The following DNAH12 variants were observed in gnomAD, a reference collection of about 807,000 sequenced individuals.
DNAH12 encodes axonemal beta dynein heavy chain 12.
In DNAH12, 285 loss-of-function variants were observed where a neutral mutation model predicts 371.5. That is an observed-to-expected ratio of 0.77 (90% CI 0.70 to 0.85). DNAH12 has a LOEUF of 0.85. DNAH12 is among the 40% of genes least tolerant of loss of function. DNAH12 has a pLI of 0.00. For synonymous variants in DNAH12, 1,200 were observed against 1,213.0 expected (o/e 0.99, Z 0.22); for missense variants, 3,611 against 3,689.4 (o/e 0.98, Z 0.55).
intron 27 of DNAH12, 50 bp downstream of exon 27, chr3:57,445,981 G>A (rs528979898): frequency 6.9e-7 from 1 of 1,453,196 alleles, no homozygotes; most frequent in Admixed American, 2.5e-5. Flanking sequence ...GAGTAAGACT[G>A]TTTCAAAAAC....
intron 55 of DNAH12, among the ~76,000 whole-genome samples, chr3:57,372,299 A>G (rs1220324437): frequency 6.6e-6 from 1 of 152,096 alleles, no homozygotes; most frequent in Non-Finnish European, 1.5e-5. Flanking sequence ...TTTAGGCCAG[A>G]AAAAGAAAAA....
chr3:57,468,773 A>G lies in DNAH12; in HGVS notation c.2312T>C (p.Met771Thr). Residue 771 changes from methionine (M) to threonine (T), a missense_variant, in exon 17 of 74, where the codon ATG becomes ACG. Met to Thr is a moderately conservative substitution (Grantham distance 81). Transcript: ENST00000495027. ...TATCTGTTCCATGACTGTACTGCAC[A>G]TAGTAATAGTAGCATTGTCTTTTGG... ...EEPKDNATIT[M>T]CSTVMEQIKA... 2.6e-6 allele frequency: 4 copies of G among 1,521,976 alleles called. No individual in the cohort carries two copies. Among genetic ancestry groups the G allele is most frequent in the Non-Finnish European group, 2.6e-6 (3 of 1,139,806 alleles). The allele number at this position is 1,521,976 out of a possible 1,614,324, so 94.3% of individuals were successfully genotyped here.
Position 57,445,427 on chromosome 3 carries a change from A to G in DNAH12, c.4180-8T>C. 3.3e-6 allele frequency: 5 copies of G among 1,505,562 alleles called. No individual in the cohort carries two copies. The highest frequency in any genetic ancestry group is 4.4e-6 in the Non-Finnish European group (5 of 1,128,604). 93.3% of individuals were successfully genotyped at this position (1,505,562 alleles called of 1,614,324 possible). ...CACTGTTCTAAAAAGAACCTGAAGT[A>G]TAAAATAAATGAAATATATTACGTA... is the stretch of plus-strand genomic sequence containing the variant. On this transcript the variant is annotated splice_region_variant and splice_polypyrimidine_tract_variant and intron_variant, in intron 27 of 73. Transcript: ENST00000495027.
chr3:57,354,538 T>TAA (rs1372789364), intron 59 of DNAH12, among the ~76,000 whole-genome samples: 1,079 of 52,464 alleles, frequency 0.021, 13 homozygotes, highest in African/African-American at 0.047. Context: ...TCTTGTTTGC[T>TAA]AAAAAAAAAA....
At chr3:57,294,499 A>G (rs1241985718) in intron 73 of DNAH12, among the ~76,000 whole-genome samples, 1 of 152,172 alleles carries the variant, frequency 6.6e-6, no homozygotes. Flanking sequence ...CGTATGGTGC[A>G]TGATTCTAGG....
chr3:57,465,806 A>G (rs1339164930), intron 17 of DNAH12, among the ~76,000 whole-genome samples: 4 of 152,192 alleles, frequency 2.6e-5, no homozygotes, highest in Non-Finnish European at 4.4e-5. Flanking sequence ...AAGTTAAAAC[A>G]GTTTACAGGA....
chr3:57,458,312 A>T (rs979130724), intron 20 of DNAH12, 92 bp from the exon 21 acceptor site: 29 of 1,342,244 alleles, frequency 2.2e-5, no homozygotes, highest in African/African-American at 1.5e-5. Flanking sequence ...AAAATCTTTT[A>T]ATGTTAAAAG....
chr3:57,295,737 T>C, intron 72 of DNAH12, 145 bp from the exon 73 acceptor site: 2 of 678,154 alleles, frequency 2.9e-6, no homozygotes, highest in Non-Finnish European at 4.6e-6. Flanking sequence ...AATGAGAAAA[T>C]GGCAATGAAG....
At chr3:57,536,144 A>G (rs1302214030) in intron 2 of DNAH12, 1 of 150,562 alleles carries the variant, frequency 6.6e-6, no homozygotes, top group Non-Finnish European at 1.5e-5. Flanking sequence ...CTAAACCTCT[A>G]TTCTTTATAA....
rs753366810 is a variant in DNAH12 at position 57,501,429 on chromosome 3, T to G, written c.1244-17A>C. 1.3e-6 allele frequency: 2 copies of G among 1,561,982 alleles called. No individual in the cohort carries two copies. Among genetic ancestry groups the G allele is most frequent in the Middle Eastern group, 1.7e-4 (1 of 5,910 alleles). On this transcript the variant is annotated splice_polypyrimidine_tract_variant and intron_variant, in intron 10 of 73. Coordinates refer to ENST00000495027, the MANE Select transcript of DNAH12 (RefSeq NM_001366028.2). ...ATTTTTCAACTGAAAATTAATAATC[T>G]AATTAAAATCTCAATAATACCCTTT...
intron 56 of DNAH12, among the ~76,000 whole-genome samples, chr3:57,367,764 A>G (rs1462986312): frequency 1.3e-5 from 2 of 152,164 alleles, no homozygotes; most frequent in African/African-American, 2.4e-5. Context: ...CAAGGGTCAC[A>G]GGATAAAGCA....
At chr3:57,550,674 A>C in the DNAH12 span, among the ~76,000 whole-genome samples, 1 of 151,050 alleles carries the variant, frequency 6.6e-6, no homozygotes, top group South Asian at 2.1e-4. Context: ...CACGACGCCC[A>C]GCTAAATTTT....
chr3:57,530,593 C>A, intron 2 of DNAH12: 1 of 626,522 alleles, frequency 1.6e-6, no homozygotes, highest in South Asian at 1.8e-5. Flanking sequence ...GTCAGCTTGG[C>A]CCCCTTCTTG....
At chr3:57,513,821 T>C (rs1161344827) in intron 4 of DNAH12, among the ~76,000 whole-genome samples, 1 of 152,104 alleles carries the variant, frequency 6.6e-6, no homozygotes, top group Non-Finnish European at 1.5e-5. Flanking sequence ...TTTGTGAAAC[T>C]ATGGGGAAGC....
At chr3:57,320,276 A>G (rs941865795) in intron 65 of DNAH12, among the ~76,000 whole-genome samples, 3 of 152,240 alleles carry the variant, frequency 2.0e-5, no homozygotes, top group African/African-American at 4.8e-5. Context: ...GTTCATTGCC[A>G]TATTACCAGT....
intron 45 of DNAH12, among the ~76,000 whole-genome samples, chr3:57,390,835 T>A (rs1254196745): frequency 2.6e-5 from 4 of 152,070 alleles, no homozygotes; most frequent in African/African-American, 9.7e-5. Flanking sequence ...TCCAACTGCT[T>A]TGGTTTTTTC....
chr3:57,521,770 T>C (rs1230576572), intron 4 of DNAH12, among the ~76,000 whole-genome samples: 1 of 151,252 alleles, frequency 6.6e-6, no homozygotes, highest in Non-Finnish European at 1.5e-5. Context: ...GCCTGTAATC[T>C]TAGCTACTCA....
At chr3:57,500,402 A>G (rs535526658) in intron 11 of DNAH12, among the ~76,000 whole-genome samples, 2 of 152,344 alleles carry the variant, frequency 1.3e-5, no homozygotes, top group African/African-American at 4.8e-5. Context: ...AAACCTTCAG[A>G]ACAAAGTACA....
the DNAH12 span, among the ~76,000 whole-genome samples, chr3:57,549,686 C>T: frequency 1.3e-5 from 2 of 151,896 alleles, no homozygotes; most frequent in African/African-American, 2.4e-5. Flanking sequence ...TGCAATGGCG[C>T]AATCTCAGCT....
Sources: allele counts gnomAD v4.1 joint callset (sites outside exome capture counted in the v4.1 genomes callset), GRCh38; gene constraint gnomAD v4.1.1; transcripts MANE v1.5; gene names NCBI Gene and HGNC (gene_info 2026-07-23, HGNC 2026-07-21).